Variants in PPP1R13L observed in about 807,000 individuals in gnomAD.
PPP1R13L encodes the protein protein phosphatase 1 regulatory subunit 13 like, also known as relA-associated inhibitor.
Under a neutral mutation model 80.9 loss-of-function variants are expected in PPP1R13L, and 50 were observed. That is an observed-to-expected ratio of 0.62 (90% confidence interval 0.49 to 0.78). PPP1R13L has a LOEUF of 0.78. PPP1R13L is among the 30% of genes least tolerant of loss of function. The pLI, the probability that PPP1R13L is intolerant of heterozygous loss-of-function variation, is 0.00. For missense variants in PPP1R13L, 1,200 were observed against 1,205.9 expected (o/e 1.00, Z 0.07); for synonymous variants, 602 against 534.3 (o/e 1.13, Z -1.75).
At chr19:45,380,480 C>T (rs1317060311) in intron 12 of PPP1R13L, among the ~76,000 whole-genome samples, 2 of 152,106 alleles carry the variant, frequency 1.3e-5, no homozygotes, top group African/African-American at 2.4e-5. Context: ...CTCTCTCTAA[C>T]ACCTTGGTTG....
Position 45,398,336 on chromosome 19 carries a change from G to C in PPP1R13L, c.-18C>G. The C allele has an allele frequency of 6.2e-7, 1 of 1,613,042 alleles. No homozygotes were observed. The highest frequency in any genetic ancestry group is 8.5e-7 in the Non-Finnish European group (1 of 1,179,854). On this transcript the variant is annotated 5_prime_UTR_variant, in exon 2 of 13. Coordinates refer to ENST00000360957, the MANE Select transcript of PPP1R13L (RefSeq NM_006663.4). The stretch of plus-strand genomic sequence containing the variant: ...CTGTCCATGGTGCCGGCCGGAGCGG[G>C]CGCCTGCATGGTGGGGAGGGAGGGA...
intron 8 of PPP1R13L, among the ~76,000 whole-genome samples, chr19:45,387,596 C>T (rs1972893395): frequency 6.6e-6 from 1 of 152,060 alleles, no homozygotes; most frequent in African/African-American, 2.4e-5. Flanking sequence ...GCTCTGTCGC[C>T]CAGGCTGGAG....
At chr19:45,382,892 A>G (rs1972792258) in intron 11 of PPP1R13L, among the ~76,000 whole-genome samples, 166 bp from the exon 12 acceptor site, 1 of 151,892 alleles carries the variant, frequency 6.6e-6, no homozygotes. Flanking sequence ...CTGGAGTCAG[A>G]TGCCGGGACT....
At position 45,401,023 on chromosome 19, in the gene PPP1R13L, G is replaced by A. The variant is rs1175931353; in HGVS notation, c.-21-2684C>T. Among the ~76,000 whole-genome samples the A allele has an allele frequency of 4.1e-4, 15 of 37,024 alleles. 7 individuals carry two copies. In the African/African-American group the frequency reaches 7.4e-3, roughly 18 times the overall value. 24.3% of individuals were successfully genotyped at this position (37,024 alleles called of 152,430 possible). A position where few individuals can be genotyped will look rare whatever the true frequency, so the allele number is the denominator to read the frequency against. The stretch of plus-strand genomic sequence containing the variant: ...GATCTCCTGACCTCATGATCCGCCC[G>A]CCTCGGCCTCCCAAAGTGCTGGGAT... On this transcript the variant is annotated intron_variant, in intron 1 of 12. Coordinates refer to ENST00000360957, the MANE Select transcript of PPP1R13L (RefSeq NM_006663.4).
intron 7 of PPP1R13L, among the ~76,000 whole-genome samples, chr19:45,394,017 G>A (rs866627141): frequency 4.6e-5 from 7 of 152,070 alleles, no homozygotes; most frequent in African/African-American, 9.7e-5. Context: ...ACAGAGTTTC[G>A]GACAAGTAAT....
Position 45,392,020 on chromosome 19 carries a change from GC to G in PPP1R13L, c.1674del (p.Pro562ArgfsTer75). The G allele has an allele frequency of 1.9e-6, 3 of 1,541,890 alleles. No homozygotes were observed. The highest frequency in any genetic ancestry group is 2.6e-6 in the Non-Finnish European group (3 of 1,147,530). On this transcript the variant is annotated frameshift_variant, in exon 8 of 13. Coordinates refer to ENST00000360957, the MANE Select transcript of PPP1R13L (RefSeq NM_006663.4). LOFTEE classifies it high-confidence loss of function. ...SRLFHRHGGP[G>X]PGGPEPELSP... ...GACAGCTCTGGCTCCGGCCCCCCGGGCCCTGGCCCCCCATGACGATGGAAGA... is the reference window on the plus strand; with the variant it reads ...GACAGCTCTGGCTCCGGCCCCCCGGGCCTGGCCCCCCATGACGATGGAAGA...
chr19:45,403,188 A>G (rs2123406037), intron 1 of PPP1R13L, among the ~76,000 whole-genome samples: 1 of 152,334 alleles, frequency 6.6e-6, no homozygotes, highest in East Asian at 1.9e-4. Flanking sequence ...AGAACAATGC[A>G]GTGCGCGAAA....
At chr19:45,387,120 T>C (rs1568555257) in intron 8 of PPP1R13L, among the ~76,000 whole-genome samples, 1 of 151,466 alleles carries the variant, frequency 6.6e-6, no homozygotes. Context: ...AATAAAAAAT[T>C]AGCCTGACAT....
chr19:45,398,255 C>A lies in PPP1R13L; in HGVS notation c.55+9G>T. Reference sequence around the variant, plus strand: ...CGCCTCGCCAGCCCCGCCCCCTACTCCAGCTTACACTGGAAGTTCATGTCC... The same window carrying A: ...CGCCTCGCCAGCCCCGCCCCCTACTACAGCTTACACTGGAAGTTCATGTCC... On this transcript the variant is annotated intron_variant, in intron 2 of 12. Transcript: ENST00000360957. 6.2e-7 allele frequency: 1 copy of A among 1,613,930 alleles called. No individual in the cohort carries two copies. Among genetic ancestry groups the A allele is most frequent in the Non-Finnish European group, 8.5e-7 (1 of 1,179,896 alleles).
At chr19:45,390,927 G>A (rs1972960066) in intron 8 of PPP1R13L, among the ~76,000 whole-genome samples, 1 of 152,166 alleles carries the variant, frequency 6.6e-6, no homozygotes, top group Admixed American at 6.6e-5. Context: ...GCCAGGAACA[G>A]TGGCTCATGC....
In PPP1R13L at chr19:45,396,812, C is replaced by A. The variant is rs770549547; in HGVS notation, c.445G>T (p.Ala149Ser). 4 of 1,435,996 alleles carry A rather than the reference C, an allele frequency of 2.8e-6. No homozygotes were observed. The African/African-American group carries it at 4.4e-5, about 16-fold the overall frequency. 89.0% of individuals were successfully genotyped at this position (1,435,996 alleles called of 1,614,324 possible). ...TSPRPRAFDG[A>S]GSSLGRAPSP... ...GGCGCACGGCCGAGGGAGCTGCCTG[C>A]GCCATCGAAGGCGCGGGGCCGGGGC... The change falls in exon 4 of 13, where the codon GCA (alanine) becomes TCA (serine). Residue 149 changes from alanine to serine, a missense_variant. Ala to Ser is a moderately conservative substitution (Grantham distance 99). Coordinates refer to ENST00000360957, the MANE Select transcript of PPP1R13L (RefSeq NM_006663.4). The surrounding 1 kb of genome is among the most constrained non-coding windows in gnomAD (Gnocchi z 5.3).
chr19:45,401,125 G>C (rs530296874), intron 1 of PPP1R13L, among the ~76,000 whole-genome samples: 2 of 151,116 alleles, frequency 1.3e-5, no homozygotes, highest in Non-Finnish European at 3.0e-5. Context: ...AGGCTAAGGC[G>C]GGAGGATCAC....
Position 45,386,143 on chromosome 19 carries a change from C to T in PPP1R13L, c.1853G>A (p.Arg618His), listed in dbSNP as rs759164055. The change falls in exon 9 of 13, where the codon CGC becomes CAC. Residue 618 changes from arginine (R) to histidine (H), a missense_variant. Around this residue, in one of 5 missense-constraint regions of PPP1R13L, gnomAD observed 214 missense variants for 199.6 expected, o/e 1.07. Coordinates refer to ENST00000360957, the MANE Select transcript of PPP1R13L (RefSeq NM_006663.4). ...GTTGAGGCGCGCGCGGCGGGCCTTG[C>T]GCGGGGAGCCCGCCTTCCGCAGCAC... ...RSVLRKAGSP[R>H]KARRARLNPL... 5 of 1,540,084 alleles carry T rather than the reference C, an allele frequency of 3.2e-6. No individual in the cohort carries two copies. The highest frequency in any genetic ancestry group is 2.3e-5 in the East Asian group (1 of 43,550).
intron 1 of PPP1R13L, chr19:45,401,925 C>T (rs974316182): frequency 6.6e-6 from 1 of 152,056 alleles, no homozygotes; most frequent in Admixed American, 6.6e-5. Flanking sequence ...CACAATGAGA[C>T]CCCATTTCTT....
Position 45,395,765 on chromosome 19 carries a change from A to C in PPP1R13L, c.1025T>G (p.Leu342Trp). 6.5e-7 allele frequency: 1 copy of C among 1,549,460 alleles called. No individual in the cohort carries two copies. The highest frequency in any genetic ancestry group is 8.7e-7 in the Non-Finnish European group (1 of 1,152,766). The stretch of plus-strand genomic sequence containing the variant: ...GCTGACGGGCTGCCAGCTGCGAGGC[A>C]AAGTGCCCGACGGCCCCGCGGAGCC... Reference protein sequence around the residue: ...SLGSAGPSGTLPRSWQPVSRI... With the variant: ...SLGSAGPSGTWPRSWQPVSRI... Residue 342 changes from leucine to tryptophan, a missense_variant, in exon 7 of 13, where the codon TTG becomes TGG. Transcript: ENST00000360957.
upstream of PPP1R13L, chr19:45,406,330 T>TCTCTTTAAGG: frequency 8.7e-7 from 1 of 1,148,168 alleles, no homozygotes; most frequent in Non-Finnish European, 1.1e-6. This position sits in a 1 kb window ranked among gnomAD's most constrained non-coding sequence, Gnocchi z 4.2. Flanking sequence ...GACCGTCCTG[T>TCTCTTTAAGG]CTCTTTAAGG....
At position 45,382,696 on chromosome 19, in the gene PPP1R13L, C is replaced by G. The variant is rs763447267; in HGVS notation, c.2279G>C (p.Ser760Thr). ...DVEQSMGLMN[S>T]GAVYALWDYS... ...GTCCCAGAGAGCGTACACTGCCCCG[C>G]TGTTCATCAGCCCCATACTCTGCTC... The change falls in exon 12 of 13, where the codon AGC becomes ACC. Residue 760 changes from serine (S) to threonine (T), a missense_variant. Ser to Thr is a moderately conservative substitution (Grantham distance 58). This residue lies in a region of PPP1R13L where 165 missense variants were observed against 177.1 expected (regional missense o/e 0.93). Coordinates refer to ENST00000360957, the MANE Select transcript of PPP1R13L (RefSeq NM_006663.4). 2 of 1,614,086 alleles carry G rather than the reference C, an allele frequency of 1.2e-6. No individual in the cohort carries two copies. Among genetic ancestry groups the G allele is most frequent in the South Asian group, 1.1e-5 (1 of 91,090 alleles).
At position 45,391,869 on chromosome 19, in the gene PPP1R13L, G is replaced by A; in HGVS notation, c.1815+11C>T. ...AGCAAACATACCCCGGTTTCCTCCTGTATTACTTACCATGCTCTGCGGCTG... is the reference window on the plus strand; with the variant it reads ...AGCAAACATACCCCGGTTTCCTCCTATATTACTTACCATGCTCTGCGGCTG... On this transcript the variant is annotated intron_variant, in intron 8 of 12. Transcript: ENST00000360957. 1 of 1,466,032 alleles carries A rather than the reference G, an allele frequency of 6.8e-7. No individual in the cohort carries two copies. Among genetic ancestry groups the A allele is most frequent in the Non-Finnish European group, 9.0e-7 (1 of 1,113,770 alleles). 90.8% of individuals were successfully genotyped at this position (1,466,032 alleles called of 1,614,324 possible).
chr19:45,396,094 T>A lies in PPP1R13L; in HGVS notation c.903+74A>T. On this transcript the variant is annotated intron_variant, in intron 6 of 12. Transcript: ENST00000360957. The surrounding 1 kb of genome is among the most constrained non-coding windows in gnomAD (Gnocchi z 5.3). The stretch of plus-strand genomic sequence containing the variant: ...CAGATCGCAGCCCCGAGGGGGAGAC[T>A]GGCCTTGACCCCGCTCCCCCACCCC... 6.7e-7 allele frequency: 1 copy of A among 1,486,590 alleles called. No homozygotes were observed. The highest frequency in any genetic ancestry group is 9.1e-7 in the Non-Finnish European group (1 of 1,100,612). 92.1% of individuals were successfully genotyped at this position (1,486,590 alleles called of 1,614,324 possible). A position where few individuals can be genotyped will look rare whatever the true frequency, so the allele number is the denominator to read the frequency against.
Sources: gnomAD v4.1 joint callset for allele counts (sites outside exome capture counted in the v4.1 genomes callset) on GRCh38, gnomAD v4.1.1 for gene constraint, gnomAD v4.1.1 regional missense constraint, Gnocchi (gnomAD v3.1) non-coding constraint, MANE v1.5 for transcripts, NCBI Gene and HGNC (gene_info 2026-07-23, HGNC 2026-07-21) for gene names.